The following BAG3 variants were observed in gnomAD, a reference collection of about 807,000 sequenced individuals.
BAG3 encodes the protein BAG cochaperone 3.
In BAG3, 14 loss-of-function variants were observed where a neutral mutation model predicts 40.5. The observed-to-expected ratio is 0.35, with a 90% CI of 0.23 to 0.54. The LOEUF (loss-of-function observed/expected upper bound fraction) is 0.54, where lower values mean the gene tolerates loss of function less well. Ranked by LOEUF, BAG3 falls within the 20% of genes least tolerant of loss-of-function variation. The pLI is 0.91. For missense variants in BAG3, 788 were observed against 758.6 expected, an observed-to-expected ratio of 1.04 and a Z score of -0.46; for synonymous variants, 302 against 307.8, an observed-to-expected ratio of 0.98 and a Z score of 0.20.
At chr10:119,673,976 T>TA (rs1204190219) in intron 3 of BAG3, among the ~76,000 whole-genome samples, 1 of 152,252 alleles carries the variant, frequency 6.6e-6, no homozygotes, top group Non-Finnish European at 1.5e-5. Context: ...TTCACATTCT[T>TA]ACAACATTAT....
intron 3 of BAG3, among the ~76,000 whole-genome samples, chr10:119,675,762 TCCTTCCCTCCTTCCCTCCCCCTC>T (rs1847210130): frequency 6.1e-4 from 16 of 26,118 alleles, no homozygotes; most frequent in Admixed American, 3.0e-3. Context: ...TTTCCTTCCT[TCCTTCCCTCCTTCCCTCCCCCTC>T]CCTTCCCCCC....
rs370066907 is a variant in BAG3, at chr10:119,672,693, G to A, written c.909+37G>A. 4.7e-5 allele frequency: 75 copies of A among 1,606,734 alleles called. No homozygotes were observed. The highest frequency in any genetic ancestry group is 6.3e-5 in the Non-Finnish European group (74 of 1,179,972). On this transcript the variant is annotated intron_variant, in intron 3 of 3. Coordinates refer to ENST00000369085, the MANE Select transcript of BAG3 (RefSeq NM_004281.4). This position sits in a 1 kb window ranked among gnomAD's most constrained non-coding sequence, Gnocchi z 4.8. The stretch of plus-strand genomic sequence containing the variant: ...TAGTCGTCAGCAGACTGGTTATGGT[G>A]GTATGTCTCCAGGGGTGCAGGAGCT...
At position 119,677,630 on chromosome 10, in the gene BAG3, C is replaced by T. The variant is rs1177300174; in HGVS notation, c.*348C>T. 1.5e-5 allele frequency: 5 copies of T among 336,758 alleles called. No homozygotes were observed. In the East Asian group the frequency reaches 2.9e-4, roughly 20 times the overall value. The allele number at this position is 336,758 out of a possible 1,614,324, so 20.9% of individuals were successfully genotyped here. ...AGGGGTAGATGGGGAGTCAATTACC[C>T]ATCACATAAATATGAAACATTTATC... On this transcript the variant is annotated 3_prime_UTR_variant, in exon 4 of 4. Transcript: ENST00000369085.
intron 1 of BAG3, among the ~76,000 whole-genome samples, chr10:119,666,490 C>T (rs183688776): frequency 4.6e-5 from 7 of 152,326 alleles, no homozygotes; most frequent in Admixed American, 3.9e-4. Flanking sequence ...GTTGTTTTTC[C>T]TTCCTCCCTC....
At chr10:119,662,851 A>G (rs1847011207) in intron 1 of BAG3, among the ~76,000 whole-genome samples, 1 of 152,176 alleles carries the variant, frequency 6.6e-6, no homozygotes, top group African/African-American at 2.4e-5. Context: ...CGTCTCTACT[A>G]AAAACACACA....
intron 1 of BAG3, among the ~76,000 whole-genome samples, chr10:119,662,459 A>G (rs1179237535): frequency 6.6e-6 from 1 of 152,046 alleles, no homozygotes; most frequent in Non-Finnish European, 1.5e-5. Context: ...GGCCTTAGCC[A>G]TATGGGGAGT....
chr10:119,676,661 T>C lies in BAG3; in HGVS notation c.1107T>C (p.Ala369=). The C allele has an allele frequency of 6.2e-7, 1 of 1,614,114 alleles. No homozygotes were observed. Among genetic ancestry groups the C allele is most frequent in the Non-Finnish European group, 8.5e-7 (1 of 1,180,026 alleles). ...AGGTAGAGGTGAAAGTTCCCCCTGC[T>C]CCAGTTCCTTGTCCTCCTCCCAGCC... ...SEKVEVKVPP[A]PVPCPPPSPG... Residue 369 remains alanine, a synonymous_variant, in exon 4 of 4, where the codon GCT becomes GCC. Transcript: ENST00000369085.
chr10:119,676,575 G>A lies in BAG3; in HGVS notation c.1021G>A (p.Val341Met). The change falls in exon 4 of 4, where the codon GTG (valine) becomes ATG (methionine). Residue 341 changes from valine to methionine, a missense_variant. By Grantham distance (21) the Val-to-Met change is conservative (BLOSUM62 1). Transcript: ENST00000369085. ...ELPPGHIPIQ[V>M]IRKEVDSKPV... The stretch of plus-strand genomic sequence containing the variant: ...CCCTCCTGGACACATCCCAATTCAA[G>A]TGATCCGCAAAGAGGTGGATTCTAA... 6.2e-7 allele frequency: 1 copy of A among 1,614,080 alleles called. No homozygotes were observed. Among genetic ancestry groups the A allele is most frequent in the East Asian group, 2.2e-5 (1 of 44,868 alleles).
Position 119,672,765 on chromosome 10 carries a change from C to G in BAG3, c.909+109C>G. 1 of 1,461,840 alleles carries G rather than the reference C, an allele frequency of 6.8e-7. No individual in the cohort carries two copies. Among genetic ancestry groups the G allele is most frequent in the Non-Finnish European group, 9.4e-7 (1 of 1,064,926 alleles). 90.6% of individuals were successfully genotyped at this position (1,461,840 alleles called of 1,614,324 possible). A position where few individuals can be genotyped will look rare whatever the true frequency, so the allele number is the denominator to read the frequency against. ...CCTTCATCCCTGCCTATTTAACATGCGTGTACCTACAGGCAAGTGAGATTC... is the reference window on the plus strand; with the variant it reads ...CCTTCATCCCTGCCTATTTAACATGGGTGTACCTACAGGCAAGTGAGATTC... On this transcript the variant is annotated intron_variant, in intron 3 of 3. Transcript: ENST00000369085. This position sits in a 1 kb window ranked among gnomAD's most constrained non-coding sequence, Gnocchi z 4.8.
chr10:119,656,465 C>T (rs1487058717), intron 1 of BAG3: 4 of 150,696 alleles, frequency 2.7e-5, no homozygotes, highest in Non-Finnish European at 5.9e-5. Flanking sequence ...ACTGCAACCT[C>T]CGTCTCCTGG....
At chr10:119,667,085 T>A (rs1775206128) in intron 1 of BAG3, among the ~76,000 whole-genome samples, 1 of 152,200 alleles carries the variant, frequency 6.6e-6, no homozygotes, top group Non-Finnish European at 1.5e-5. Flanking sequence ...CAGGTGATTC[T>A]CCTGCCTCAG....
At position 119,670,054 on chromosome 10, in the gene BAG3, A is replaced by G; in HGVS notation, c.384A>G (p.Ala128=). The change falls in exon 2 of 4, where the codon GCA becomes GCG. Residue 128 remains alanine, a synonymous_variant. Transcript: ENST00000369085. Reference sequence around the variant, plus strand: ...AGCGATTCCGAACTGAGGCGGCAGCAGCGGCTCCTCAGAGGTCCCAGTCAC... The same window carrying G: ...AGCGATTCCGAACTGAGGCGGCAGCGGCGGCTCCTCAGAGGTCCCAGTCAC... The part of the protein sequence containing the change: ...GMQRFRTEAA[A]AAPQRSQSPL... 2 of 1,614,212 alleles carry G rather than the reference A, an allele frequency of 1.2e-6. No individual in the cohort carries two copies. Among genetic ancestry groups the G allele is most frequent in the Non-Finnish European group, 1.7e-6 (2 of 1,180,044 alleles).
rs1456902284 is a variant in BAG3, at chr10:119,662,804, G to A, written c.181-7047G>A. 3.9e-5 allele frequency among the ~76,000 whole-genome samples: 6 copies of A among 152,244 alleles called. No homozygotes were observed. The East Asian group carries it at 9.7e-4, about 25-fold the overall frequency. On this transcript the variant is annotated intron_variant, in intron 1 of 3. Transcript: ENST00000369085. Reference sequence around the variant, plus strand: ...CCGAGATGGGCAGATCACGAGGTCAGGAGATCGAGACCATCCTGGCCAATA... The same window carrying A: ...CCGAGATGGGCAGATCACGAGGTCAAGAGATCGAGACCATCCTGGCCAATA...
chr10:119,669,039 T>C (rs952896488), intron 1 of BAG3, among the ~76,000 whole-genome samples: 5 of 152,264 alleles, frequency 3.3e-5, no homozygotes, highest in African/African-American at 1.2e-4. Context: ...GCCAGGGTGA[T>C]TAGACAGCAC....
At chr10:119,654,477 G>A (rs192030932) in intron 1 of BAG3, among the ~76,000 whole-genome samples, 42 of 152,306 alleles carry the variant, frequency 2.8e-4, no homozygotes, top group African/African-American at 8.7e-4. Context: ...TTCTACTGCC[G>A]TCTTGCAGTT....
chr10:119,660,165 G>A (rs1210778944), intron 1 of BAG3, among the ~76,000 whole-genome samples: 1 of 152,212 alleles, frequency 6.6e-6, no homozygotes, highest in Non-Finnish European at 1.5e-5. Flanking sequence ...GGGCCATCGA[G>A]GATGTTGAGG....
intron 1 of BAG3, among the ~76,000 whole-genome samples, chr10:119,658,176 A>G (rs989116667): frequency 2.0e-5 from 3 of 152,274 alleles, no homozygotes; most frequent in East Asian, 1.9e-4. Flanking sequence ...CTTCCTTGAC[A>G]TTGAATGAAT....
In BAG3 at chr10:119,672,260, C is replaced by T. The variant is rs749017720; in HGVS notation, c.513C>T (p.Ser171=). 5.0e-6 allele frequency: 8 copies of T among 1,613,182 alleles called. No homozygotes were observed. The East Asian group carries it at 1.8e-4, about 36-fold the overall frequency. ...QPPASHGPER[S]QSPAASDCSS... is the part of the protein sequence containing the mutation. The stretch of plus-strand genomic sequence containing the variant: ...CTACCCTGTGTCTCTTGCAGCGGTC[C>T]CAGTCTCCAGCTGCCTCTGACTGCT... Residue 171 remains serine (S), a synonymous_variant, in exon 3 of 4, where the codon TCC becomes TCT. Transcript: ENST00000369085. The surrounding 1 kb of genome is among the most constrained non-coding windows in gnomAD (Gnocchi z 4.8).
rs557347001 is a variant in BAG3 at position 119,660,133 on chromosome 10, G to A, written c.180+8278G>A. On this transcript the variant is annotated intron_variant, in intron 1 of 3. Transcript: ENST00000369085. ...TGCGGATGGTGCCTGGCCTGGAGACGGCTGACGTGTGCCCTGGTGAGGGGC... is the reference window on the plus strand; with the variant it reads ...TGCGGATGGTGCCTGGCCTGGAGACAGCTGACGTGTGCCCTGGTGAGGGGC... Among the ~76,000 whole-genome samples the A allele has an allele frequency of 1.6e-4, 25 of 152,300 alleles. No individual in the cohort carries two copies. In the South Asian group the frequency reaches 2.1e-3, roughly 13 times the overall value.
Sources: gnomAD v4.1 joint callset for allele counts (sites outside exome capture counted in the v4.1 genomes callset) on GRCh38, gnomAD v4.1.1 for gene constraint, Gnocchi (gnomAD v3.1) non-coding constraint, MANE v1.5 for transcripts, NCBI Gene and HGNC (gene_info 2026-07-23, HGNC 2026-07-21) for gene names.